The following IRF2 variants were observed in gnomAD, a reference collection of about 807,000 sequenced individuals.
IRF2 encodes interferon regulatory factor 2.
A neutral mutation model predicts 40.6 loss-of-function variants in IRF2; 15 were observed. That is an observed-to-expected ratio of 0.37 (90% confidence interval 0.25 to 0.57). IRF2 has a LOEUF of 0.57. IRF2 is among the 20% of genes least tolerant of loss of function. The pLI is 0.77. For synonymous variants in IRF2, 151 were observed against 165.5 expected, an observed-to-expected ratio of 0.91 and a Z score of 0.67; for missense variants, 317 against 455.7, an observed-to-expected ratio of 0.70 and a Z score of 2.77.
intron 6 of IRF2, among the ~76,000 whole-genome samples, chr4:184,403,785 C>G (rs7655371): frequency 6.6e-6 from 1 of 152,048 alleles, no homozygotes; most frequent in Non-Finnish European, 1.5e-5. Context: ...AGGCTCAGAA[C>G]TAATAGTGAC....
chr4:184,425,440 C>T (rs1035582727), intron 2 of IRF2, among the ~76,000 whole-genome samples: 3 of 152,262 alleles, frequency 2.0e-5, no homozygotes, highest in Admixed American at 1.3e-4. Flanking sequence ...AGCAATGCCA[C>T]GTGCCCACTC....
chr4:184,393,347 T>A (rs540224621), intron 7 of IRF2, among the ~76,000 whole-genome samples: 1 of 152,370 alleles, frequency 6.6e-6, no homozygotes, highest in Admixed American at 6.5e-5. Flanking sequence ...TTCTCTTCCT[T>A]TCATACGGGT....
rs1368464065 is a variant in IRF2 at position 184,408,647 on chromosome 4, A to C, written c.412-372T>G. Among the ~76,000 whole-genome samples the C allele has an allele frequency of 6.6e-6, 1 of 152,254 alleles. No homozygotes were observed. Among genetic ancestry groups the C allele is most frequent in the Non-Finnish European group, 1.5e-5 (1 of 68,046 alleles). ...CTCCTCTGAGGGGGTGCTCAAAAGA[A>C]TCAATGCCTGGCTTTCACCAGGGAG... On this transcript the variant is annotated intron_variant, in intron 5 of 8. Coordinates refer to ENST00000393593, the MANE Select transcript of IRF2 (RefSeq NM_002199.4). This position sits in a 1 kb window ranked among gnomAD's most constrained non-coding sequence, Gnocchi z 4.9.
chr4:184,465,689 A>G (rs1169317206), intron 1 of IRF2, among the ~76,000 whole-genome samples: 4 of 152,220 alleles, frequency 2.6e-5, no homozygotes, highest in Non-Finnish European at 4.4e-5. Flanking sequence ...CGAGCTTTAT[A>G]AGCTACCTAT....
intron 1 of IRF2, among the ~76,000 whole-genome samples, chr4:184,433,676 T>G (rs756756512): frequency 1.8e-4 from 27 of 152,086 alleles, no homozygotes; most frequent in South Asian, 6.2e-4. Context: ...TTGGTTGGTT[T>G]GTTTGTAGCT....
chr4:184,409,867 A>C (rs577294602), intron 5 of IRF2, among the ~76,000 whole-genome samples: 11 of 152,028 alleles, frequency 7.2e-5, no homozygotes, highest in Non-Finnish European at 1.5e-4. Flanking sequence ...ACTGCACTCC[A>C]GCCTGGGTGA....
chr4:184,437,365 A>G (rs1435604813), intron 1 of IRF2, among the ~76,000 whole-genome samples: 2 of 65,584 alleles, frequency 3.0e-5, no homozygotes, highest in African/African-American at 7.7e-5. Flanking sequence ...CTAATTTTTT[A>G]AAATATTTTT....
intron 1 of IRF2, among the ~76,000 whole-genome samples, chr4:184,450,887 C>T (rs889875428): frequency 5.3e-5 from 8 of 152,152 alleles, no homozygotes; most frequent in Non-Finnish European, 1.2e-4. Context: ...ATGACATCCA[C>T]ACCGTCCACT....
chr4:184,412,583 C>T (rs916776780), intron 5 of IRF2, among the ~76,000 whole-genome samples: 3 of 152,218 alleles, frequency 2.0e-5, no homozygotes, highest in East Asian at 3.8e-4. Flanking sequence ...GACAGCTGGA[C>T]TTCACAAGCA....
At chr4:184,424,778 C>T (rs1347810567) in intron 2 of IRF2, among the ~76,000 whole-genome samples, 1 of 152,154 alleles carries the variant, frequency 6.6e-6, no homozygotes, top group Non-Finnish European at 1.5e-5. Flanking sequence ...AGGATGGAAA[C>T]AAATTTAAGG....
Position 184,418,671 on chromosome 4 carries a change from T to C in IRF2, c.225A>G (p.Lys75=). 1 of 1,614,128 alleles carries C rather than the reference T, an allele frequency of 6.2e-7. No individual in the cohort carries two copies. Among genetic ancestry groups the C allele is most frequent in the Non-Finnish European group, 8.5e-7 (1 of 1,179,982 alleles). The change falls in exon 4 of 9, where the codon AAA becomes AAG. Residue 75 remains lysine (K), a synonymous_variant. Transcript: ENST00000393593. ...HQPGVDKPDP[K]TWKANFRCAM... ...CGCATCTGAAATTCGCCTTCCATGT[T>C]TTGGGATCAGGTTTATCTACTCCTG...
intron 1 of IRF2, among the ~76,000 whole-genome samples, chr4:184,456,583 T>G (rs1359833284): frequency 2.0e-5 from 3 of 152,182 alleles, no homozygotes; most frequent in Admixed American, 6.5e-5. Context: ...AGGAAACCCC[T>G]CGGTCCAGCC....
In IRF2 at chr4:184,431,262, T is replaced by C. The variant is rs557477051; in HGVS notation, c.-6-2192A>G. Among the ~76,000 whole-genome samples, 255 of 152,340 alleles carry C rather than the reference T, an allele frequency of 1.7e-3. 1 individual carries two copies. Among genetic ancestry groups the C allele is most frequent in the Non-Finnish European group, 2.6e-3 (178 of 68,020 alleles). ...GCTCTTGGTCTCATTCATTCATTTG[T>C]TCCATTCATTCATTTGTTCATCCAC... On this transcript the variant is annotated intron_variant, in intron 1 of 8. Coordinates refer to ENST00000393593, the MANE Select transcript of IRF2 (RefSeq NM_002199.4).
chr4:184,390,587 C>T lies in IRF2; in HGVS notation c.741+116G>A, dbSNP rs1579784708. ...GCATATTTCACCACACAAGAAAATCCCAAAGTGAAGCTTGTGATCTAAAGG... is the reference window on the plus strand; with the variant it reads ...GCATATTTCACCACACAAGAAAATCTCAAAGTGAAGCTTGTGATCTAAAGG... On this transcript the variant is annotated intron_variant, in intron 8 of 8. Coordinates refer to ENST00000393593, the MANE Select transcript of IRF2 (RefSeq NM_002199.4). The T allele has an allele frequency of 5.1e-6, 5 of 984,492 alleles. No individual in the cohort carries two copies. The East Asian group carries it at 1.2e-4, about 24-fold the overall frequency. 61.0% of individuals were successfully genotyped at this position (984,492 alleles called of 1,614,324 possible). A position where few individuals can be genotyped will look rare whatever the true frequency, so the allele number is the denominator to read the frequency against.
intron 7 of IRF2, among the ~76,000 whole-genome samples, chr4:184,395,285 T>C (rs1014269798): frequency 2.2e-4 from 33 of 151,924 alleles, no homozygotes; most frequent in East Asian, 3.9e-4. Flanking sequence ...TGGTTGTGGG[T>C]GCCTGTAGTC....
chr4:184,441,661 C>CT (rs1738315895), intron 1 of IRF2, among the ~76,000 whole-genome samples: 1 of 152,204 alleles, frequency 6.6e-6, no homozygotes, highest in Non-Finnish European at 1.5e-5. Context: ...GAGTGTCCCA[C>CT]TTACCAGGAT....
At position 184,389,241 on chromosome 4, in the gene IRF2, G is replaced by A. The variant is rs564385285; in HGVS notation, c.742-175C>T. On this transcript the variant is annotated intron_variant, in intron 8 of 8. Transcript: ENST00000393593. The stretch of plus-strand genomic sequence containing the variant: ...TTGAGACCAGCCTGGGCAATGTAGC[G>A]AGTCCTCATCTCTACAAAACGTAAG... Among the ~76,000 whole-genome samples the A allele has an allele frequency of 2.6e-4, 40 of 152,026 alleles. 1 individual carries two copies. The highest frequency in any genetic ancestry group is 2.4e-3 in the Admixed American group (37 of 15,280).
At chr4:184,416,076 C>T (rs760720638) in intron 5 of IRF2, among the ~76,000 whole-genome samples, 1 of 152,014 alleles carries the variant, frequency 6.6e-6, no homozygotes, top group Non-Finnish European at 1.5e-5. Flanking sequence ...TTTGGGAAGC[C>T]GAGGCAAGAG....
intron 5 of IRF2, among the ~76,000 whole-genome samples, chr4:184,412,403 C>T (rs1018457489): frequency 3.9e-5 from 6 of 152,200 alleles, no homozygotes; most frequent in Admixed American, 3.9e-4. Context: ...TGTCTCAACC[C>T]TGTGCTAATG....
Sources: gnomAD v4.1 joint callset for allele counts (sites outside exome capture counted in the v4.1 genomes callset) on GRCh38, gnomAD v4.1.1 for gene constraint, Gnocchi (gnomAD v3.1) non-coding constraint, MANE v1.5 for transcripts, NCBI Gene and HGNC (gene_info 2026-07-23, HGNC 2026-07-21) for gene names.